PDE4B: variants seen among roughly 807,000 people sequenced by gnomAD.
The protein encoded by PDE4B is 3',5'-cyclic-AMP phosphodiesterase 4B.
In PDE4B, 20 loss-of-function variants were observed where a neutral mutation model predicts 82.2. That is an observed-to-expected ratio of 0.24 (90% confidence interval 0.17 to 0.35). The LOEUF (loss-of-function observed/expected upper bound fraction) is 0.35. Among genes scored for constraint, PDE4B ranks in the 10% least tolerant of loss-of-function variants. The pLI is 1.00. For missense variants in PDE4B, 655 were observed against 907.2 expected, an observed-to-expected ratio of 0.72 and a Z score of 3.57; for synonymous variants, 320 against 318.9, an observed-to-expected ratio of 1.00 and a Z score of -0.04.
chr1:66,280,388 A>G (rs974643873), intron 7 of PDE4B, among the ~76,000 whole-genome samples: 2 of 152,256 alleles, frequency 1.3e-5, no homozygotes, highest in Admixed American at 6.5e-5. Flanking sequence ...ACGAATGCCA[A>G]TCAATTTGTG....
chr1:66,194,771 A>T (rs1488332922), intron 3 of PDE4B, among the ~76,000 whole-genome samples: 1 of 152,232 alleles, frequency 6.6e-6, no homozygotes, highest in East Asian at 1.9e-4. Flanking sequence ...TTTTGTATCT[A>T]TGTGAGTTCC....
chr1:65,943,951 C>A (rs1193743312), intron 3 of PDE4B, among the ~76,000 whole-genome samples: 3 of 151,864 alleles, frequency 2.0e-5, no homozygotes, highest in Admixed American at 1.3e-4. Context: ...AATTTAACAT[C>A]TTCTTTTCCA....
intron 3 of PDE4B, among the ~76,000 whole-genome samples, chr1:65,974,006 T>A (rs1650279930): frequency 6.6e-6 from 1 of 151,680 alleles, no homozygotes; most frequent in Middle Eastern, 3.2e-3. Flanking sequence ...AGAGATGGAG[T>A]TTTGCCATGT....
intron 3 of PDE4B, among the ~76,000 whole-genome samples, chr1:66,009,916 T>G (rs1652379202): frequency 1.4e-5 from 2 of 145,252 alleles, no homozygotes; most frequent in Admixed American, 6.7e-5. Context: ...TATCTATCTA[T>G]CTATCTATCT....
intron 1 of PDE4B, among the ~76,000 whole-genome samples, chr1:65,845,596 T>C (rs1353678573): frequency 6.6e-6 from 1 of 152,156 alleles, no homozygotes; most frequent in Non-Finnish European, 1.5e-5. Context: ...GTGGGCGGAA[T>C]GAAGGAATAG....
Position 66,255,923 on chromosome 1 carries a change from G to T in PDE4B, c.477-1724G>T, listed in dbSNP as rs572901734. On this transcript the variant is annotated intron_variant, in intron 4 of 16. Transcript: ENST00000341517. ...GTTTACACCTGTAACTCCAGCACTTGGGAGGCCAAAGTGGGCCGATTGCTT... is the reference window on the plus strand; with the variant it reads ...GTTTACACCTGTAACTCCAGCACTTTGGAGGCCAAAGTGGGCCGATTGCTT... Among the ~76,000 whole-genome samples, 6 of 152,336 alleles carry T rather than the reference G, an allele frequency of 3.9e-5. No homozygotes were observed. In the South Asian group the frequency reaches 1.2e-3, roughly 32 times the overall value.
chr1:66,100,555 T>C (rs1345177080), intron 3 of PDE4B, among the ~76,000 whole-genome samples: 1 of 152,152 alleles, frequency 6.6e-6, no homozygotes, highest in Non-Finnish European at 1.5e-5. Context: ...ATAGATATGT[T>C]TAAGTTTAGC....
intron 3 of PDE4B, among the ~76,000 whole-genome samples, chr1:66,195,543 T>C (rs1404577977): frequency 2.0e-5 from 3 of 152,160 alleles, no homozygotes; most frequent in Non-Finnish European, 4.4e-5. Flanking sequence ...AAATACTTAG[T>C]TTAAGAAAGA....
At chr1:66,155,619 A>G (rs1331433874) in intron 3 of PDE4B, among the ~76,000 whole-genome samples, 2 of 151,342 alleles carry the variant, frequency 1.3e-5, no homozygotes, top group African/African-American at 4.8e-5. Flanking sequence ...ATTTATATAT[A>G]CATGTGTATA....
At chr1:66,143,360 A>G (rs1338375504) in intron 3 of PDE4B, among the ~76,000 whole-genome samples, 1 of 152,194 alleles carries the variant, frequency 6.6e-6, no homozygotes, top group African/African-American at 2.4e-5. Context: ...TTGCAGGTAG[A>G]AAATGGAAAC....
intron 1 of PDE4B, among the ~76,000 whole-genome samples, chr1:65,838,791 A>G (rs1646174424): frequency 1.3e-5 from 2 of 152,058 alleles, no homozygotes; most frequent in Non-Finnish European, 2.9e-5. Flanking sequence ...TAAGAAAGGC[A>G]GGAAAAAAGA....
intron 8 of PDE4B, among the ~76,000 whole-genome samples, chr1:66,354,075 G>T (rs1356348766): frequency 1.3e-5 from 2 of 152,148 alleles, no homozygotes; most frequent in East Asian, 1.9e-4. Context: ...AAATGCACTG[G>T]CACACGCTTG....
At chr1:66,055,835 A>G (rs538755220) in intron 3 of PDE4B, among the ~76,000 whole-genome samples, 1 of 152,292 alleles carries the variant, frequency 6.6e-6, no homozygotes, top group East Asian at 1.9e-4. Flanking sequence ...AAGCATGTTG[A>G]TATGTTAGAT....
intron 3 of PDE4B, among the ~76,000 whole-genome samples, chr1:66,191,656 A>G (rs1280378311): frequency 1.3e-5 from 2 of 152,138 alleles, no homozygotes; most frequent in Non-Finnish European, 1.5e-5. Context: ...CGAGAGCGTT[A>G]CCTAGATAAT....
chr1:65,820,786 G>T (rs1645943368), intron 1 of PDE4B, among the ~76,000 whole-genome samples: 1 of 152,076 alleles, frequency 6.6e-6, no homozygotes, highest in African/African-American at 2.4e-5. Context: ...ATCAATGGTA[G>T]CTCCAAAGAT....
intron 1 of PDE4B, among the ~76,000 whole-genome samples, chr1:65,798,988 A>G (rs1311449521): frequency 3.9e-5 from 6 of 152,174 alleles, no homozygotes; most frequent in African/African-American, 1.4e-4. Context: ...AGGCTAAAAA[A>G]TCCTTTATCC....
At chr1:65,952,956 CT>C (rs1163159164) in intron 3 of PDE4B, among the ~76,000 whole-genome samples, 13 of 152,224 alleles carry the variant, frequency 8.5e-5, no homozygotes, top group African/African-American at 3.1e-4. Context: ...TCATAGCCCC[CT>C]ATCTGCAGTG....
In PDE4B at chr1:65,880,320, T is replaced by C. The variant is rs115696883; in HGVS notation, c.-70-32925T>C. 2.8e-3 allele frequency among the ~76,000 whole-genome samples: 420 copies of C among 152,286 alleles called. 1 individual carries two copies. Among genetic ancestry groups the C allele is most frequent in the Middle Eastern group, 6.8e-3 (2 of 294 alleles). ...TCAATGTAATATAAATCTTTTAAAGTAGAAAAGTATTTCCATGCTTATGCT... is the reference window on the plus strand; with the variant it reads ...TCAATGTAATATAAATCTTTTAAAGCAGAAAAGTATTTCCATGCTTATGCT... On this transcript the variant is annotated intron_variant, in intron 1 of 16. Coordinates refer to ENST00000341517, the MANE Select transcript of PDE4B (RefSeq NM_002600.4).
At chr1:66,271,789 C>T (rs369867574) in intron 7 of PDE4B, among the ~76,000 whole-genome samples, 1 of 152,204 alleles carries the variant, frequency 6.6e-6, no homozygotes, top group African/African-American at 2.4e-5. Context: ...TTTTGCTCTA[C>T]ACAGCCTATC....
Sources: gnomAD v4.1 joint callset for allele counts (sites outside exome capture counted in the v4.1 genomes callset) on GRCh38, gnomAD v4.1.1 for gene constraint, MANE v1.5 for transcripts, NCBI Gene and HGNC (gene_info 2026-07-23, HGNC 2026-07-21) for gene names.